GSG1L: variants seen among roughly 807,000 people sequenced by gnomAD.
GSG1L encodes GSG1 like.
A neutral mutation model predicts 42.1 loss-of-function variants in GSG1L; 24 were observed. The ratio of observed to expected loss-of-function variants is 0.57; its 90% CI spans 0.41 to 0.80. The LOEUF is 0.80. Ranked by LOEUF, GSG1L falls within the 30% of genes least tolerant of loss-of-function variation. The pLI is 0.00. For synonymous variants in GSG1L, 215 were observed against 203.5 expected (o/e 1.06, Z -0.48); for missense variants, 445 against 472.2 (o/e 0.94, Z 0.53).
At chr16:27,827,704 A>G (rs1291637000) in intron 5 of GSG1L, among the ~76,000 whole-genome samples, 1 of 152,090 alleles carries the variant, frequency 6.6e-6, no homozygotes, top group Non-Finnish European at 1.5e-5. Flanking sequence ...CTGCCTAAGG[A>G]TATCTCCAGC....
At chr16:28,044,920 C>T (rs1463985834) in intron 1 of GSG1L, among the ~76,000 whole-genome samples, 1 of 152,026 alleles carries the variant, frequency 6.6e-6, no homozygotes, top group Non-Finnish European at 1.5e-5. Flanking sequence ...CTACCGCGTC[C>T]GGCCATGAAT....
chr16:28,055,416 C>A (rs915893188), intron 1 of GSG1L, among the ~76,000 whole-genome samples: 1 of 152,092 alleles, frequency 6.6e-6, no homozygotes, highest in South Asian at 2.1e-4. Flanking sequence ...GGATTACAGG[C>A]GTGAGCCATT....
At chr16:27,854,095 T>C (rs112753837) in intron 3 of GSG1L, among the ~76,000 whole-genome samples, 7 of 151,530 alleles carry the variant, frequency 4.6e-5, no homozygotes, top group Admixed American at 6.6e-5. Context: ...AAGAATACGC[T>C]ATCAAGAGAG....
chr16:27,843,427 T>A (rs2083409719), intron 4 of GSG1L, among the ~76,000 whole-genome samples: 1 of 148,214 alleles, frequency 6.7e-6, no homozygotes, highest in African/African-American at 2.5e-5. Context: ...AAAGAAACCC[T>A]ATCTCTCTGC....
intron 2 of GSG1L, among the ~76,000 whole-genome samples, chr16:27,917,149 G>A (rs112515370): frequency 1.1e-3 from 175 of 152,268 alleles, no homozygotes; most frequent in Middle Eastern, 3.4e-3. Flanking sequence ...TATAATTTGC[G>A]TTTGCAGTAG....
At chr16:27,994,718 G>A (rs1186144485) in intron 1 of GSG1L, among the ~76,000 whole-genome samples, 1 of 152,162 alleles carries the variant, frequency 6.6e-6, no homozygotes, top group African/African-American at 2.4e-5. Flanking sequence ...TGAATATGTG[G>A]CTAGAAATAA....
At chr16:27,869,271 A>T (rs1326000656) in intron 3 of GSG1L, among the ~76,000 whole-genome samples, 4 of 151,534 alleles carry the variant, frequency 2.6e-5, no homozygotes, top group Non-Finnish European at 5.9e-5. Context: ...GGCTCCGGGA[A>T]TTGCAGAGGG....
intron 2 of GSG1L, among the ~76,000 whole-genome samples, chr16:27,894,191 T>C (rs968849234): frequency 9.8e-5 from 15 of 152,334 alleles, no homozygotes; most frequent in African/African-American, 3.4e-4. Context: ...CATCTGCAAA[T>C]TGGGCATACA....
At chr16:27,992,083 C>T (rs2085463561) in intron 1 of GSG1L, among the ~76,000 whole-genome samples, 1 of 152,204 alleles carries the variant, frequency 6.6e-6, no homozygotes, top group South Asian at 2.1e-4. Flanking sequence ...TAAGCAATGC[C>T]TGTGGCATAG....
At chr16:27,841,541 G>A (rs1191657405) in intron 4 of GSG1L, among the ~76,000 whole-genome samples, 1 of 152,192 alleles carries the variant, frequency 6.6e-6, no homozygotes, top group African/African-American at 2.4e-5. Context: ...TACCGGGGGA[G>A]GGAGCAGGGG....
At chr16:27,962,629 G>A (rs1040290873) in intron 2 of GSG1L, among the ~76,000 whole-genome samples, 4 of 152,198 alleles carry the variant, frequency 2.6e-5, no homozygotes, top group African/African-American at 4.8e-5. Flanking sequence ...CCCTGCTCCT[G>A]ATAATCCAGT....
At chr16:27,801,234 C>T (rs2082878175) in intron 6 of GSG1L, among the ~76,000 whole-genome samples, 1 of 152,110 alleles carries the variant, frequency 6.6e-6, no homozygotes, top group African/African-American at 2.4e-5. Context: ...GCCTCTCTCC[C>T]AGGGTAAGGA....
At chr16:27,868,492 GA>G (rs1196596876) in intron 3 of GSG1L, among the ~76,000 whole-genome samples, 5 of 152,072 alleles carry the variant, frequency 3.3e-5, no homozygotes, top group African/African-American at 1.2e-4. Flanking sequence ...ACAGTGACGT[GA>G]AATCAATTAT....
chr16:27,862,093 G>T (rs907719459), intron 3 of GSG1L, among the ~76,000 whole-genome samples: 3 of 152,172 alleles, frequency 2.0e-5, no homozygotes, highest in Admixed American at 6.5e-5. Context: ...ACTCTAAGGT[G>T]ATCCCATGCC....
At chr16:28,013,091 G>T (rs2085741696) in intron 1 of GSG1L, among the ~76,000 whole-genome samples, 1 of 151,886 alleles carries the variant, frequency 6.6e-6, no homozygotes, top group South Asian at 2.1e-4. Flanking sequence ...GTGCATGGTG[G>T]CATATGCCTG....
At chr16:27,855,719 CAAAAAAAAAAAA>C (rs397686463) in intron 3 of GSG1L, among the ~76,000 whole-genome samples, 1 of 61,724 alleles carries the variant, frequency 1.6e-5, no homozygotes, top group Non-Finnish European at 3.2e-5. Context: ...GACTCAGTCT[CAAAAAAAAAAAA>C]AAAAAAAAAG....
chr16:27,898,903 G>A (rs2084224333), intron 2 of GSG1L, among the ~76,000 whole-genome samples: 1 of 152,234 alleles, frequency 6.6e-6, no homozygotes, highest in Non-Finnish European at 1.5e-5. Context: ...GGGCAGAGTG[G>A]CTGCTGCTCC....
intron 1 of GSG1L, among the ~76,000 whole-genome samples, chr16:28,019,350 G>A (rs2085813801): frequency 6.6e-6 from 1 of 152,148 alleles, no homozygotes; most frequent in African/African-American, 2.4e-5. Context: ...CATGCTAAGA[G>A]ACACTCCCAC....
At chr16:28,047,137 G>C (rs1460086795) in intron 1 of GSG1L, among the ~76,000 whole-genome samples, 1 of 152,178 alleles carries the variant, frequency 6.6e-6, no homozygotes, top group Non-Finnish European at 1.5e-5. Context: ...GTTTACGAAA[G>C]GGACTTGCAA....
Sources: gnomAD v4.1 joint callset for allele counts (sites outside exome capture counted in the v4.1 genomes callset) on GRCh38, gnomAD v4.1.1 for gene constraint, MANE v1.5 for transcripts, NCBI Gene and HGNC (gene_info 2026-07-23, HGNC 2026-07-21) for gene names.